The following FMNL2 variants were observed in gnomAD, a reference collection of about 807,000 sequenced individuals.
The protein encoded by FMNL2 is formin-like protein 2.
In FMNL2, 51 loss-of-function variants were observed where a neutral mutation model predicts 130.2. The observed-to-expected ratio is 0.39, with a 90% CI of 0.31 to 0.49. The LOEUF is 0.49. Among genes scored for constraint, FMNL2 ranks in the 20% least tolerant of loss-of-function variants. The probability of loss-of-function intolerance (pLI) is 0.85; values close to 1 mark genes in which losing one functional copy is unlikely to be tolerated. For synonymous variants in FMNL2, 465 were observed against 467.1 expected (o/e 1.00, Z 0.06); for missense variants, 977 against 1,316.2 (o/e 0.74, Z 3.99).
At chr2:152,446,794 C>T (rs376927233) in intron 1 of FMNL2, among the ~76,000 whole-genome samples, 31 of 152,286 alleles carry the variant, frequency 2.0e-4, no homozygotes, top group African/African-American at 7.2e-4. Context: ...AAATACACCC[C>T]TACTGATTTT....
intron 1 of FMNL2, among the ~76,000 whole-genome samples, chr2:152,354,353 A>T (rs1682671222): frequency 6.6e-6 from 1 of 151,550 alleles, no homozygotes; most frequent in African/African-American, 2.4e-5. Flanking sequence ...AAAATTGTGT[A>T]ACTTGTATAT....
In FMNL2 at chr2:152,335,482, C is replaced by T. The variant is rs1201785373; in HGVS notation, c.-122C>T. On this transcript the variant is annotated 5_prime_UTR_variant, in exon 1 of 26. Transcript: ENST00000288670. ...GCGCCGCACACCCGCCTGGGCGCGGCGGAGGGCGGGGAGCCGGGCAGGTCG... is the reference window on the plus strand; with the variant it reads ...GCGCCGCACACCCGCCTGGGCGCGGTGGAGGGCGGGGAGCCGGGCAGGTCG... 2 of 577,990 alleles carry T rather than the reference C, an allele frequency of 3.5e-6. No individual in the cohort carries two copies. The highest frequency in any genetic ancestry group is 5.3e-6 in the Non-Finnish European group (2 of 377,548). The allele number at this position is 577,990 out of a possible 1,614,324, so 35.8% of individuals were successfully genotyped here.
At chr2:152,604,786 G>C (rs185002021) in intron 9 of FMNL2, among the ~76,000 whole-genome samples, 4 of 152,086 alleles carry the variant, frequency 2.6e-5, no homozygotes, top group African/African-American at 9.6e-5. Context: ...AGTACAGACG[G>C]GGTTTTACCA....
intron 10 of FMNL2, among the ~76,000 whole-genome samples, chr2:152,610,846 A>T (rs1051407925): frequency 6.6e-6 from 1 of 152,208 alleles, no homozygotes; most frequent in Non-Finnish European, 1.5e-5. Context: ...TGTGTTTATC[A>T]TTTTGAGTAA....
chr2:152,642,461 C>T (rs1470478091), intron 25 of FMNL2, among the ~76,000 whole-genome samples: 1 of 152,190 alleles, frequency 6.6e-6, no homozygotes, highest in Non-Finnish European at 1.5e-5. Flanking sequence ...AAATGCCATT[C>T]TCTACACATG....
chr2:152,544,424 A>C (rs1694506730), intron 3 of FMNL2, among the ~76,000 whole-genome samples: 1 of 152,196 alleles, frequency 6.6e-6, no homozygotes, highest in Non-Finnish European at 1.5e-5. Context: ...AAGAAAAATA[A>C]ATAAATAAAT....
intron 18 of FMNL2, among the ~76,000 whole-genome samples, chr2:152,629,061 TG>T (rs1261657520): frequency 1.3e-5 from 2 of 152,222 alleles, no homozygotes; most frequent in African/African-American, 4.8e-5. Context: ...TGTGTTAATC[TG>T]GTGGAGATTT....
At chr2:152,613,043 T>C (rs59069112) in intron 11 of FMNL2, among the ~76,000 whole-genome samples, 26,755 of 152,202 alleles carry the variant, frequency 0.18, 2,500 homozygotes, top group East Asian at 0.24. Context: ...AGGCCTTGCT[T>C]CCTAGACTGG....
intron 1 of FMNL2, among the ~76,000 whole-genome samples, chr2:152,420,610 A>G (rs1296165287): frequency 6.6e-6 from 1 of 152,208 alleles, no homozygotes; most frequent in Non-Finnish European, 1.5e-5. Context: ...TGTTTCAGGA[A>G]GGAGCTGACC....
intron 1 of FMNL2, among the ~76,000 whole-genome samples, chr2:152,440,727 A>C (rs1302837856): frequency 2.6e-5 from 4 of 152,238 alleles, no homozygotes; most frequent in Non-Finnish European, 5.9e-5. Flanking sequence ...GTCCTTATCC[A>C]AGAGTCTGCA....
chr2:152,599,738 G>A (rs1697955757), intron 9 of FMNL2, among the ~76,000 whole-genome samples: 1 of 152,166 alleles, frequency 6.6e-6, no homozygotes. Flanking sequence ...TTGTATTTAT[G>A]AAGGAGGAGA....
intron 9 of FMNL2, among the ~76,000 whole-genome samples, chr2:152,586,296 T>A (rs927471385): frequency 6.6e-6 from 1 of 152,246 alleles, no homozygotes; most frequent in Non-Finnish European, 1.5e-5. Flanking sequence ...TTGTTCTTTT[T>A]TCTGCCTGTT....
chr2:152,388,015 A>G (rs1440515984), intron 1 of FMNL2, among the ~76,000 whole-genome samples: 1 of 152,074 alleles, frequency 6.6e-6, no homozygotes, highest in Admixed American at 6.5e-5. Flanking sequence ...TCCTGCTGAT[A>G]ATTAGGCTAA....
intron 1 of FMNL2, among the ~76,000 whole-genome samples, chr2:152,460,643 G>A (rs1689186193): frequency 6.6e-6 from 1 of 152,222 alleles, no homozygotes; most frequent in South Asian, 2.1e-4. Flanking sequence ...TGTGTTTACA[G>A]TGCTCCCCAT....
intron 6 of FMNL2, among the ~76,000 whole-genome samples, chr2:152,572,157 T>G (rs1445965493): frequency 6.6e-6 from 1 of 152,152 alleles, no homozygotes; most frequent in Non-Finnish European, 1.5e-5. Flanking sequence ...CTTCATCGGG[T>G]AGATCAGGAC....
At chr2:152,541,572 C>A (rs562284411) in intron 2 of FMNL2, among the ~76,000 whole-genome samples, 1 of 152,128 alleles carries the variant, frequency 6.6e-6, no homozygotes, top group African/African-American at 2.4e-5. Flanking sequence ...CCATATTTCC[C>A]CCTTTGATTA....
chr2:152,354,082 C>A (rs995344733), intron 1 of FMNL2, among the ~76,000 whole-genome samples: 5 of 152,018 alleles, frequency 3.3e-5, no homozygotes, highest in African/African-American at 1.2e-4. Flanking sequence ...AAAAAGAGAC[C>A]CAGGTGTTTC....
intron 1 of FMNL2, among the ~76,000 whole-genome samples, chr2:152,406,270 G>T (rs921797738): frequency 6.6e-6 from 1 of 152,158 alleles, no homozygotes; most frequent in Non-Finnish European, 1.5e-5. Context: ...TGTCAAAGAG[G>T]GAACTGAGAT....
chr2:152,457,871 T>A (rs1212270226), intron 1 of FMNL2, among the ~76,000 whole-genome samples: 5 of 152,154 alleles, frequency 3.3e-5, no homozygotes, highest in Non-Finnish European at 7.4e-5. Flanking sequence ...TGTGGCCCCC[T>A]TCCTCCATAT....
Sources: allele counts gnomAD v4.1 joint callset (sites outside exome capture counted in the v4.1 genomes callset), GRCh38; gene constraint gnomAD v4.1.1; transcripts MANE v1.5; gene names NCBI Gene and HGNC (gene_info 2026-07-23, HGNC 2026-07-21).